The following C11orf65 variants were observed in gnomAD, a reference collection of about 807,000 sequenced individuals.
The protein encoded by C11orf65 is chromosome 11 open reading frame 65.
A neutral mutation model predicts 35.3 loss-of-function variants in C11orf65; 38 were observed. The observed-to-expected ratio is 1.08, with a 90% CI of 0.83 to 1.41. The LOEUF is 1.41. C11orf65 is among the 40% of genes most tolerant of loss of function. The pLI, the probability that C11orf65 is intolerant of heterozygous loss-of-function variation, is 0.00. For synonymous variants in C11orf65, 105 were observed against 114.4 expected (o/e 0.92, Z 0.53); for missense variants, 370 against 367.1 (o/e 1.01, Z -0.06).
At chr11:108,379,780 G>T (rs1187089905), downstream of C11orf65, among the ~76,000 whole-genome samples, 2 of 152,046 alleles carry the variant, frequency 1.3e-5, no homozygotes, top group Non-Finnish European at 2.9e-5. Context: ...GGTGAAGGGA[G>T]CACAGGCCAG....
intron 2 of C11orf65, among the ~76,000 whole-genome samples, chr11:108,360,428 C>A (rs1256217371): frequency 1.4e-5 from 2 of 139,934 alleles, no homozygotes; most frequent in African/African-American, 5.3e-5. Flanking sequence ...AAGAGGGAAT[C>A]CTCCCTAACT....
At chr11:108,460,702 T>C (rs2093462709) in intron 2 of C11orf65, among the ~76,000 whole-genome samples, 1 of 151,964 alleles carries the variant, frequency 6.6e-6, no homozygotes, top group Non-Finnish European at 1.5e-5. Context: ...AATTGTAACT[T>C]TTTGAAATGT....
chr11:108,445,536 C>T (rs1449014321), intron 2 of C11orf65, among the ~76,000 whole-genome samples: 4 of 152,130 alleles, frequency 2.6e-5, no homozygotes, highest in Non-Finnish European at 5.9e-5. Flanking sequence ...CTCTAGCAAA[C>T]TCCAACGGAC....
Position 108,365,517 on chromosome 11 carries a change from A to G in C11orf65, c.226+27691T>C, listed in dbSNP as rs1391467785. The G allele has an allele frequency of 3.7e-6, 6 of 1,613,718 alleles. No individual in the cohort carries two copies. The East Asian group carries it at 6.7e-5, about 18-fold the overall frequency. ...GGAAAGCTTGGGTGTGATCTTCAGT[A>G]TATGAATTACCCTTTCATTCAGCCT... On this transcript the variant is annotated intron_variant, in intron 2 of 3. Transcript: ENST00000524755.
At chr11:108,337,511 G>C (rs2086978173) in intron 2 of C11orf65, among the ~76,000 whole-genome samples, 1 of 152,154 alleles carries the variant, frequency 6.6e-6, no homozygotes, top group Non-Finnish European at 1.5e-5. Context: ...CCCATTCTTA[G>C]AATTTCTAAT....
At chr11:108,420,681 T>C (rs975388921) in intron 3 of C11orf65, among the ~76,000 whole-genome samples, 5 of 152,186 alleles carry the variant, frequency 3.3e-5, no homozygotes, top group African/African-American at 1.2e-4. Flanking sequence ...ATGTTCATGA[T>C]TTAGAGCTCT....
At chr11:108,355,035 A>T in intron 2 of C11orf65, 1 of 642,760 alleles carries the variant, frequency 1.6e-6, no homozygotes, top group Non-Finnish European at 2.8e-6. Context: ...CTTTTCACAC[A>T]TCCAAAAATA....
chr11:108,315,305 C>T (rs1324439645), intron 6 of C11orf65, among the ~76,000 whole-genome samples: 1 of 152,162 alleles, frequency 6.6e-6, no homozygotes, highest in Non-Finnish European at 1.5e-5. Context: ...TGATTTAATA[C>T]TGCATCTTTA....
rs984616023 is a variant in C11orf65, at chr11:108,365,151, C to A, written c.226+28057G>T. The stretch of plus-strand genomic sequence containing the variant: ...GAAAGCTTTGTATTTACAGCAGAGG[C>A]CGGAAGATGAAACTGAGCTTCACCC... On this transcript the variant is annotated intron_variant, in intron 2 of 3. Transcript: ENST00000524755. The A allele has an allele frequency of 6.2e-7, 1 of 1,614,104 alleles. No individual in the cohort carries two copies. The highest frequency in any genetic ancestry group is 8.5e-7 in the Non-Finnish European group (1 of 1,180,010).
chr11:108,383,314 C>A, intron 8 of C11orf65, 139 bp from the exon 9 acceptor site: 1 of 711,188 alleles, frequency 1.4e-6, no homozygotes, highest in Non-Finnish European at 2.2e-6. Flanking sequence ...CCAGAAACAC[C>A]CCAAATTTCT....
intron 3 of C11orf65, among the ~76,000 whole-genome samples, chr11:108,418,180 G>T (rs11212618): frequency 9.3e-4 from 141 of 152,196 alleles, no homozygotes; most frequent in Non-Finnish European, 1.6e-3. Context: ...ATATCTCTCA[G>T]TAACTGATAG....
At chr11:108,461,709 C>A in intron 1 of C11orf65, 141 bp from the exon 2 acceptor site, 1 of 556,482 alleles carries the variant, frequency 1.8e-6, no homozygotes. Context: ...CTCACTGTAG[C>A]CTCAAACTGC....
At chr11:108,408,674 T>TAAAA (rs2092592360) in intron 3 of C11orf65, among the ~76,000 whole-genome samples, 20 of 77,148 alleles carry the variant, frequency 2.6e-4, no homozygotes, top group African/African-American at 8.7e-4. Flanking sequence ...TCTGTCTCAA[T>TAAAA]AAATAAAATA....
intron 2 of C11orf65, among the ~76,000 whole-genome samples, chr11:108,349,580 T>G (rs1351583280): frequency 6.6e-6 from 1 of 152,090 alleles, no homozygotes; most frequent in Non-Finnish European, 1.5e-5. Context: ...GGAGAATCAC[T>G]TGAACCCAGG....
chr11:108,440,505 T>G (rs889763558), intron 2 of C11orf65, among the ~76,000 whole-genome samples: 3 of 152,166 alleles, frequency 2.0e-5, no homozygotes, highest in African/African-American at 7.2e-5. Context: ...ATTACACTTA[T>G]TGGGCATGGA....
At chr11:108,383,469 G>A (rs895196432) in intron 8 of C11orf65, among the ~76,000 whole-genome samples, 10 of 152,176 alleles carry the variant, frequency 6.6e-5, no homozygotes, top group African/African-American at 1.9e-4. Context: ...GCTCTCATCT[G>A]TAAAATGGGG....
At chr11:108,357,543 C>T (rs2090146462) in intron 2 of C11orf65, among the ~76,000 whole-genome samples, 3 of 152,174 alleles carry the variant, frequency 2.0e-5, no homozygotes, top group Admixed American at 2.0e-4. Flanking sequence ...TTAAATGTCC[C>T]TGTCTGACAG....
At position 108,319,951 on chromosome 11, in the gene C11orf65, C is replaced by T. The variant is rs946541820; in HGVS notation, c.641-10880G>A. Reference sequence around the variant, plus strand: ...ATATTTTTTTCTTTGACTTATCTCACAGCAAAGAAGTAGAAGGAACCAGTT... The same window carrying T: ...ATATTTTTTTCTTTGACTTATCTCATAGCAAAGAAGTAGAAGGAACCAGTT... On this transcript the variant is annotated intron_variant, in intron 6 of 6. Coordinates refer to the C11orf65 transcript ENST00000525729. The T allele has an allele frequency of 1.9e-6, 3 of 1,600,542 alleles. No homozygotes were observed. Among genetic ancestry groups the T allele is most frequent in the Non-Finnish European group, 2.6e-6 (3 of 1,167,894 alleles).
chr11:108,450,819 C>G lies in C11orf65; in HGVS notation c.81+10660G>C, dbSNP rs183739044. ...AAAGCCTTATCCACCATGATCAAGT[C>G]GGCTTCATCCCTGGGATGCAAGGCT... On this transcript the variant is annotated intron_variant, in intron 2 of 8. Coordinates refer to ENST00000393084, the MANE Select transcript of C11orf65 (RefSeq NM_152587.5). Among the ~76,000 whole-genome samples the G allele has an allele frequency of 6.6e-5, 10 of 151,828 alleles. No homozygotes were observed. In the East Asian group the frequency reaches 9.7e-4, roughly 15 times the overall value.
Sources: allele counts gnomAD v4.1 joint callset (sites outside exome capture counted in the v4.1 genomes callset), GRCh38; gene constraint gnomAD v4.1.1; transcripts MANE v1.5; gene names NCBI Gene and HGNC (gene_info 2026-07-23, HGNC 2026-07-21).